The following PCDHGA10 variants were observed in gnomAD, a reference collection of about 807,000 sequenced individuals.
The protein encoded by PCDHGA10 is protocadherin gamma subfamily A, 10, also known as protocadherin gamma-A10.
A neutral mutation model predicts 59.5 loss-of-function variants in PCDHGA10; 42 were observed. That is an observed-to-expected ratio of 0.71 (90% confidence interval 0.55 to 0.91). The LOEUF (loss-of-function observed/expected upper bound fraction) is 0.91, where lower values mean the gene tolerates loss of function less well. PCDHGA10 is among the 40% of genes least tolerant of loss of function. PCDHGA10 has a pLI of 0.00. For synonymous variants in PCDHGA10, 511 were observed against 517.2 expected (o/e 0.99, Z 0.16); for missense variants, 1,111 against 1,198.2 (o/e 0.93, Z 1.07).
At chr5:141,427,946 T>A (rs769401863) in intron 1 of PCDHGA10, 1 of 1,586,550 alleles carries the variant, frequency 6.3e-7, no homozygotes, top group Middle Eastern at 1.7e-4. Flanking sequence ...GCGACCTCAA[T>A]GACAATGTGC....
intron 1 of PCDHGA10, among the ~76,000 whole-genome samples, chr5:141,474,684 T>A (rs1302389621): frequency 6.6e-6 from 1 of 152,246 alleles, no homozygotes; most frequent in Non-Finnish European, 1.5e-5. Context: ...TGCCTACCCC[T>A]TCACTTATGT....
At position 141,414,520 on chromosome 5, in the gene PCDHGA10, A is replaced by G; in HGVS notation, c.1345A>G (p.Ile449Val). ...EAHFMLQVAD[I>V]NDNPPTFSQV... ...TCACTTTATGCTACAAGTGGCAGAT[A>G]TCAATGACAACCCACCTACCTTCTC... Residue 449 changes from isoleucine (I) to valine (V), a missense_variant, in exon 1 of 4, where the codon ATC becomes GTC. Ile to Val is a conservative substitution (Grantham distance 29, BLOSUM62 3). Coordinates refer to ENST00000398610, the MANE Select transcript of PCDHGA10 (RefSeq NM_018913.3). 6.2e-7 allele frequency: 1 copy of G among 1,613,990 alleles called. No individual in the cohort carries two copies. The highest frequency in any genetic ancestry group is 8.5e-7 in the Non-Finnish European group (1 of 1,179,902).
At chr5:141,429,796 A>C (rs2097245618) in intron 1 of PCDHGA10, among the ~76,000 whole-genome samples, 1 of 152,216 alleles carries the variant, frequency 6.6e-6, no homozygotes, top group Non-Finnish European at 1.5e-5. Flanking sequence ...ATTACCAGTA[A>C]TTCTCAGTAA....
At chr5:141,495,571 C>T (rs1031548699) in intron 2 of PCDHGA10, among the ~76,000 whole-genome samples, 1 of 152,198 alleles carries the variant, frequency 6.6e-6, no homozygotes, top group African/African-American at 2.4e-5. Flanking sequence ...TCTGCCTCTC[C>T]CTCTCTTCTC....
chr5:141,472,316 C>T (rs1456055286), intron 1 of PCDHGA10, among the ~76,000 whole-genome samples: 6 of 151,940 alleles, frequency 3.9e-5, no homozygotes, highest in Non-Finnish European at 8.8e-5. Context: ...CCGAGGCAGG[C>T]AGATCACGAG....
Position 141,491,166 on chromosome 5 carries a change from G to A in PCDHGA10, c.2437-3641G>A. 1 of 1,614,150 alleles carries A rather than the reference G, an allele frequency of 6.2e-7. No individual in the cohort carries two copies. The highest frequency in any genetic ancestry group is 8.5e-7 in the Non-Finnish European group (1 of 1,179,964). ...TACTGGAGGATGACTCTGACACCCA[G>A]CAGGTGGTGGTCCTGGTGAGGGACA... On this transcript the variant is annotated intron_variant, in intron 1 of 3. Transcript: ENST00000398610. The surrounding 1 kb of genome is among the most constrained non-coding windows in gnomAD (Gnocchi z 6.9).
intron 1 of PCDHGA10, chr5:141,422,056 G>A: frequency 8.7e-6 from 14 of 1,611,934 alleles, no homozygotes; most frequent in Non-Finnish European, 1.2e-5. Flanking sequence ...AATCAACGGG[G>A]AAGTAATGTA....
chr5:141,472,564 A>G (rs1471933375), intron 1 of PCDHGA10, among the ~76,000 whole-genome samples: 6 of 152,050 alleles, frequency 3.9e-5, no homozygotes, highest in Admixed American at 2.6e-4. Context: ...TATATTATAA[A>G]TGCTGCATCT....
In PCDHGA10 at chr5:141,490,951, T is replaced by C. The variant is rs778168052; in HGVS notation, c.2437-3856T>C. 20 of 1,613,640 alleles carry C rather than the reference T, an allele frequency of 1.2e-5. No homozygotes were observed. Among genetic ancestry groups the C allele is most frequent in the Middle Eastern group, 1.6e-4 (1 of 6,084 alleles). On this transcript the variant is annotated intron_variant, in intron 1 of 3. Coordinates refer to ENST00000398610, the MANE Select transcript of PCDHGA10 (RefSeq NM_018913.3). This position sits in a 1 kb window ranked among gnomAD's most constrained non-coding sequence, Gnocchi z 5.4. The stretch of plus-strand genomic sequence containing the variant: ...AGCTGTGCTGCACCCACGGCCAGAC[T>C]GGGAACACTCAGCCCCCCAGCGTCT...
At position 141,415,600 on chromosome 5, in the gene PCDHGA10, C is replaced by G. The variant is rs778987183; in HGVS notation, c.2425C>G (p.Pro809Ala). ...TTCGAAGTTTCCTATAGAGGATACC[C>G]CATTGGTTCCAGTGAGTTTTATTTT... ...DDSKFPIEDT[P>A]LVPQAPPNTD... The change falls in exon 1 of 4, where the codon CCA becomes GCA. Residue 809 changes from proline to alanine, a missense_variant. Physicochemically the swap from Pro to Ala is conservative, Grantham distance 27. Coordinates refer to ENST00000398610, the MANE Select transcript of PCDHGA10 (RefSeq NM_018913.3). 24 of 1,613,588 alleles carry G rather than the reference C, an allele frequency of 1.5e-5. No individual in the cohort carries two copies. In the Middle Eastern group the frequency reaches 1.2e-3, roughly 77 times the overall value.
chr5:141,416,011 GGTAA>G (rs1031382322), intron 1 of PCDHGA10: 25 of 239,912 alleles, frequency 1.0e-4, no homozygotes, highest in Non-Finnish European at 3.9e-5. Flanking sequence ...GGTAAGAATA[GGTAA>G]GTATCAGAAA....
At chr5:141,416,553 ACT>A (rs932477065) in intron 1 of PCDHGA10, 2 of 152,100 alleles carry the variant, frequency 1.3e-5, no homozygotes, top group Non-Finnish European at 2.9e-5. Context: ...AACACCTGAA[ACT>A]CTGAAAACTC....
At chr5:141,469,438 G>T (rs2099201339) in intron 1 of PCDHGA10, among the ~76,000 whole-genome samples, 1 of 152,112 alleles carries the variant, frequency 6.6e-6, no homozygotes, top group African/African-American at 2.4e-5. Flanking sequence ...AGCTGGGCGT[G>T]GTGGTGCACA....
chr5:141,470,778 C>A (rs1047167697), intron 1 of PCDHGA10, among the ~76,000 whole-genome samples: 1 of 152,132 alleles, frequency 6.6e-6, no homozygotes, highest in African/African-American at 2.4e-5. Context: ...GTCTTGAATT[C>A]CTGGGCTCAA....
At chr5:141,451,624 G>A (rs1016417101) in intron 1 of PCDHGA10, among the ~76,000 whole-genome samples, 3 of 152,150 alleles carry the variant, frequency 2.0e-5, no homozygotes, top group African/African-American at 7.2e-5. Context: ...GCTCAAACCT[G>A]TAATTCCAGC....
intron 1 of PCDHGA10, chr5:141,430,840 A>G: frequency 6.4e-7 from 1 of 1,565,876 alleles, no homozygotes; most frequent in East Asian, 2.2e-5. Flanking sequence ...GGGAGACCGG[A>G]TGCACCCAGA....
chr5:141,419,316 G>C (rs775328616), intron 1 of PCDHGA10: 2 of 1,613,876 alleles, frequency 1.2e-6, no homozygotes, highest in African/African-American at 1.3e-5. Flanking sequence ...CTCAACGGCC[G>C]TGTCTCCTAC....
chr5:141,420,313 C>A, intron 1 of PCDHGA10: 1 of 1,434,874 alleles, frequency 7.0e-7, no homozygotes, highest in Non-Finnish European at 9.4e-7. Flanking sequence ...TTTTATATTA[C>A]AATATGCCAA....
At chr5:141,510,534 C>T (rs1187165551) in intron 3 of PCDHGA10, among the ~76,000 whole-genome samples, 2 of 152,126 alleles carry the variant, frequency 1.3e-5, no homozygotes, top group African/African-American at 2.4e-5. Context: ...AGAGAAATAC[C>T]AGCGAATGTG....
Sources: gnomAD v4.1 joint callset for allele counts (sites outside exome capture counted in the v4.1 genomes callset) on GRCh38, gnomAD v4.1.1 for gene constraint, Gnocchi (gnomAD v3.1) non-coding constraint, MANE v1.5 for transcripts, NCBI Gene and HGNC (gene_info 2026-07-23, HGNC 2026-07-21) for gene names.